PIEZO2: variants seen among roughly 807,000 people sequenced by gnomAD.
The protein encoded by PIEZO2 is piezo-type mechanosensitive ion channel component 2.
Under a neutral mutation model 337.3 loss-of-function variants are expected in PIEZO2, and 172 were observed. The ratio of observed to expected loss-of-function variants is 0.51; its 90% CI spans 0.45 to 0.58. The LOEUF is 0.58. PIEZO2 is among the 20% of genes least tolerant of loss of function. PIEZO2 has a pLI of 0.00. For synonymous variants in PIEZO2, 1,251 were observed against 1,228.5 expected (o/e 1.02, Z -0.38); for missense variants, 3,028 against 3,391.3 (o/e 0.89, Z 2.66).
At chr18:11,093,214 A>G (rs896470316) in intron 1 of PIEZO2, among the ~76,000 whole-genome samples, 7 of 152,206 alleles carry the variant, frequency 4.6e-5, no homozygotes, top group South Asian at 4.1e-4. Flanking sequence ...CATCCTGGGT[A>G]AAGCGGAGCC....
Position 11,126,422 on chromosome 18 carries a change from C to T in PIEZO2, c.64+22103G>A, listed in dbSNP as rs1238239414. Among the ~76,000 whole-genome samples, 1 of 152,106 alleles carries T rather than the reference C, an allele frequency of 6.6e-6. No homozygotes were observed. The highest frequency in any genetic ancestry group is 2.4e-5 in the African/African-American group (1 of 41,410). Reference sequence around the variant, plus strand: ...TGATGACTGTTCCATCTTACTGTCCCCTAGGCCTGGTAAAGGGCACTCCTC... The same window carrying T: ...TGATGACTGTTCCATCTTACTGTCCTCTAGGCCTGGTAAAGGGCACTCCTC... On this transcript the variant is annotated intron_variant, in intron 1 of 55. Coordinates refer to ENST00000674853, the MANE Select transcript of PIEZO2 (RefSeq NM_001378183.1). The surrounding 1 kb of genome is among the most constrained non-coding windows in gnomAD (Gnocchi z 4.6).
At chr18:11,062,219 A>C (rs1210097439) in intron 2 of PIEZO2, among the ~76,000 whole-genome samples, 1 of 151,972 alleles carries the variant, frequency 6.6e-6, no homozygotes, top group Non-Finnish European at 1.5e-5. Flanking sequence ...TAGAAAGCTG[A>C]AACTGGATCC....
chr18:11,034,711 G>T (rs1044431042), intron 2 of PIEZO2, among the ~76,000 whole-genome samples: 5 of 152,136 alleles, frequency 3.3e-5, no homozygotes, highest in Non-Finnish European at 5.9e-5. Context: ...CAGAGGCTGG[G>T]TGCTGTGGCT....
In PIEZO2 at chr18:10,724,927, C is replaced by G. The variant is rs1482963130; in HGVS notation, c.5029+6480G>C. 7 of 1,604,966 alleles carry G rather than the reference C, an allele frequency of 4.4e-6. No homozygotes were observed. The highest frequency in any genetic ancestry group is 2.2e-5 in the East Asian group (1 of 44,828). ...CACCCTGGGACAGCCTCCACCTGGA[C>G]GGCGATGGAACCCAGGTGGGCGCAC... On this transcript the variant is annotated intron_variant, in intron 36 of 55. Coordinates refer to ENST00000674853, the MANE Select transcript of PIEZO2 (RefSeq NM_001378183.1). This position sits in a 1 kb window ranked among gnomAD's most constrained non-coding sequence, Gnocchi z 5.8.
chr18:10,686,999 C>G (rs1487472497), intron 49 of PIEZO2, among the ~76,000 whole-genome samples: 1 of 152,200 alleles, frequency 6.6e-6, no homozygotes, highest in Non-Finnish European at 1.5e-5. Context: ...TCAACTTACA[C>G]TCTTCCATTA....
chr18:10,718,999 A>AATT (rs1567981783), intron 36 of PIEZO2, among the ~76,000 whole-genome samples: 20 of 150,420 alleles, frequency 1.3e-4, no homozygotes, highest in African/African-American at 4.9e-4. Context: ...ATAAATAAAT[A>AATT]AATAAATAAA....
intron 1 of PIEZO2, 33 bp from the exon 2 acceptor site, chr18:11,066,255 A>T: frequency 3.3e-6 from 5 of 1,501,760 alleles, no homozygotes; most frequent in Non-Finnish European, 3.6e-6. Context: ...GAGTGAGAAG[A>T]TCATTAACAA....
rs166434 is a variant in PIEZO2 at position 10,962,441 on chromosome 18, T to A, written c.286+17094A>T. On this transcript the variant is annotated intron_variant, in intron 3 of 55. Coordinates refer to ENST00000674853, the MANE Select transcript of PIEZO2 (RefSeq NM_001378183.1). This position sits in a 1 kb window ranked among gnomAD's most constrained non-coding sequence, Gnocchi z 4.1. ...GAGGGGACAACCCTAAAGCCTGGGA[T>A]CCCAGGAGCTGCACGCAGGGCTCGC... 6.6e-6 allele frequency among the ~76,000 whole-genome samples: 1 copy of A among 151,892 alleles called. No homozygotes were observed. The highest frequency in any genetic ancestry group is 2.4e-5 in the African/African-American group (1 of 41,296).
At chr18:11,022,838 G>T (rs543190170) in intron 2 of PIEZO2, among the ~76,000 whole-genome samples, 1 of 152,188 alleles carries the variant, frequency 6.6e-6, no homozygotes, top group Non-Finnish European at 1.5e-5. Flanking sequence ...CCCTCGAGGT[G>T]AGTGTTACAG....
At position 11,070,382 on chromosome 18, in the gene PIEZO2, T is replaced by C. The variant is rs80157601; in HGVS notation, c.65-4160A>G. On this transcript the variant is annotated intron_variant, in intron 1 of 55. Coordinates refer to ENST00000674853, the MANE Select transcript of PIEZO2 (RefSeq NM_001378183.1). This position sits in a 1 kb window ranked among gnomAD's most constrained non-coding sequence, Gnocchi z 4.3. ...ATGGAGATCAAGCCCTGAACAGAGA[T>C]GTTTGTTGAAATAATAAGAAAAAAT... Among the ~76,000 whole-genome samples, 155 of 152,204 alleles carry C rather than the reference T, an allele frequency of 1.0e-3. No homozygotes were observed. The highest frequency in any genetic ancestry group is 3.6e-3 in the African/African-American group (150 of 41,516).
chr18:11,081,693 A>T (rs2145987034), intron 1 of PIEZO2, among the ~76,000 whole-genome samples: 1 of 150,374 alleles, frequency 6.7e-6, no homozygotes, highest in South Asian at 2.1e-4. Context: ...GCAAAGAAAA[A>T]CTCTGAACTG....
chr18:10,950,265 C>A (rs1020734771), intron 3 of PIEZO2, among the ~76,000 whole-genome samples: 2 of 152,172 alleles, frequency 1.3e-5, no homozygotes, highest in African/African-American at 4.8e-5. Context: ...TAGATAATCA[C>A]CAGTCGTCAC....
At position 11,112,352 on chromosome 18, in the gene PIEZO2, G is replaced by T. The variant is rs535706955; in HGVS notation, c.64+36173C>A. On this transcript the variant is annotated intron_variant, in intron 1 of 55. Transcript: ENST00000674853. This position sits in a 1 kb window ranked among gnomAD's most constrained non-coding sequence, Gnocchi z 4.3. ...GAGATATTCTGATCCACCCATTTAA[G>T]TAAAGGCCTGGTCCAGTCATTCTGA... is the stretch of plus-strand genomic sequence containing the variant. Among the ~76,000 whole-genome samples, 42 of 152,272 alleles carry T rather than the reference G, an allele frequency of 2.8e-4. No homozygotes were observed. Among genetic ancestry groups the T allele is most frequent in the Admixed American group, 7.2e-4 (11 of 15,292 alleles).
chr18:10,694,119 C>A (rs1330386144), intron 47 of PIEZO2, among the ~76,000 whole-genome samples: 1 of 151,948 alleles, frequency 6.6e-6, no homozygotes, highest in South Asian at 2.1e-4. Flanking sequence ...CCCAATTCTA[C>A]TTTCCTTTAA....
Position 10,773,047 on chromosome 18 carries a change from A to G in PIEZO2, c.2785+365T>C, listed in dbSNP as rs979864351. Among the ~76,000 whole-genome samples the G allele has an allele frequency of 2.0e-5, 3 of 152,196 alleles. No homozygotes were observed. Among genetic ancestry groups the G allele is most frequent in the Non-Finnish European group, 4.4e-5 (3 of 68,030 alleles). On this transcript the variant is annotated intron_variant, in intron 20 of 55. Transcript: ENST00000674853. This position sits in a 1 kb window ranked among gnomAD's most constrained non-coding sequence, Gnocchi z 5.3. ...AATGGTTTCTTGAGAATGCATTTGT[A>G]AGGGCGATGTCTAGAGCCTTTGAGA...
intron 52 of PIEZO2, among the ~76,000 whole-genome samples, chr18:10,678,180 T>C (rs928645303): frequency 6.6e-6 from 1 of 152,238 alleles, no homozygotes; most frequent in African/African-American, 2.4e-5. Flanking sequence ...AATATTCTTA[T>C]ATCAACCCAA....
Position 10,682,329 on chromosome 18 carries a change from C to T in PIEZO2, c.7498-37G>A. On this transcript the variant is annotated intron_variant, in intron 49 of 55. Coordinates refer to ENST00000674853, the MANE Select transcript of PIEZO2 (RefSeq NM_001378183.1). The surrounding 1 kb of genome is among the most constrained non-coding windows in gnomAD (Gnocchi z 5.6). The stretch of plus-strand genomic sequence containing the variant: ...AGTTCAGACAAGGCTCAGGCTCAGG[C>T]TCAGGTGCTTTCCCGCAGGCAGCGG... 1 of 1,503,662 alleles carries T rather than the reference C, an allele frequency of 6.7e-7. No individual in the cohort carries two copies. Among genetic ancestry groups the T allele is most frequent in the South Asian group, 1.3e-5 (1 of 78,978 alleles). 93.1% of individuals were successfully genotyped at this position (1,503,662 alleles called of 1,614,324 possible). A position where few individuals can be genotyped will look rare whatever the true frequency, so the allele number is the denominator to read the frequency against.
In PIEZO2 at chr18:10,746,947, C is replaced by T. The variant is rs1336868548; in HGVS notation, c.4424+1524G>A. Among the ~76,000 whole-genome samples, 2 of 152,164 alleles carry T rather than the reference C, an allele frequency of 1.3e-5. No individual in the cohort carries two copies. The highest frequency in any genetic ancestry group is 4.1e-4 in the South Asian group (2 of 4,834). ...TACCAGGTGTACTGTAGTAGAATTG[C>T]TTGCTCATGTGCCACTTTCCTGCTA... On this transcript the variant is annotated intron_variant, in intron 30 of 55. Coordinates refer to ENST00000674853, the MANE Select transcript of PIEZO2 (RefSeq NM_001378183.1). The surrounding 1 kb of genome is among the most constrained non-coding windows in gnomAD (Gnocchi z 4.2).
chr18:10,930,950 C>A (rs1045217427), intron 3 of PIEZO2, among the ~76,000 whole-genome samples: 6 of 151,962 alleles, frequency 3.9e-5, no homozygotes, highest in African/African-American at 1.2e-4. Context: ...TTTTTCTAAG[C>A]CTTTTTACTT....
Sources: gnomAD v4.1 joint callset for allele counts (sites outside exome capture counted in the v4.1 genomes callset) on GRCh38, gnomAD v4.1.1 for gene constraint, Gnocchi (gnomAD v3.1) non-coding constraint, MANE v1.5 for transcripts, NCBI Gene and HGNC (gene_info 2026-07-23, HGNC 2026-07-21) for gene names.